The following DNM3 variants were observed in gnomAD, a reference collection of about 807,000 sequenced individuals.
DNM3 encodes the protein dynamin-3.
DNM3 carries 47 observed loss-of-function variants against 101.6 expected under a neutral mutation model. That is an observed-to-expected ratio of 0.46 (90% confidence interval 0.37 to 0.59). DNM3 has a LOEUF of 0.59. Among genes scored for constraint, DNM3 ranks in the 20% least tolerant of loss-of-function variants. The probability of loss-of-function intolerance (pLI) is 0.00; values close to 1 mark genes in which losing one functional copy is unlikely to be tolerated. For synonymous variants in DNM3, 385 were observed against 387.9 expected, an observed-to-expected ratio of 0.99 and a Z score of 0.09; for missense variants, 849 against 1,085.7, an observed-to-expected ratio of 0.78 and a Z score of 3.06.
intron 12 of DNM3, among the ~76,000 whole-genome samples, chr1:172,091,941 T>C (rs1192906586): frequency 1.3e-5 from 2 of 152,100 alleles, no homozygotes; most frequent in East Asian, 3.9e-4. Context: ...GTTAAATTTA[T>C]TATAAGAAAG....
intron 13 of DNM3, among the ~76,000 whole-genome samples, chr1:172,128,825 T>G (rs1194123656): frequency 6.6e-6 from 1 of 152,074 alleles, no homozygotes; most frequent in Non-Finnish European, 1.5e-5. Context: ...TCCTAGATAT[T>G]TCTTCAGTAG....
At chr1:172,249,637 G>T (rs1484483510) in intron 14 of DNM3, among the ~76,000 whole-genome samples, 1 of 152,100 alleles carries the variant, frequency 6.6e-6, no homozygotes, top group Non-Finnish European at 1.5e-5. Context: ...TGAAGCCTTT[G>T]AAAGTATGCA....
At chr1:172,139,953 T>C (rs1006525920) in intron 14 of DNM3, 2 of 151,970 alleles carry the variant, frequency 1.3e-5, no homozygotes, top group African/African-American at 4.8e-5. Context: ...AAAACAAAAA[T>C]ATCCAAATAG....
At chr1:172,250,077 G>A (rs577318116) in intron 14 of DNM3, among the ~76,000 whole-genome samples, 2 of 152,218 alleles carry the variant, frequency 1.3e-5, no homozygotes, top group South Asian at 4.1e-4. Context: ...ATTTTCAAAT[G>A]TAATGCACTT....
intron 20 of DNM3, among the ~76,000 whole-genome samples, chr1:172,405,378 C>G (rs1182080154): frequency 6.6e-6 from 1 of 151,906 alleles, no homozygotes; most frequent in East Asian, 1.9e-4. Context: ...CTACGAGAGA[C>G]ACAAACATGA....
chr1:172,039,221 T>C (rs1475937377), intron 7 of DNM3, among the ~76,000 whole-genome samples: 10 of 152,116 alleles, frequency 6.6e-5, no homozygotes, highest in Non-Finnish European at 1.3e-4. Context: ...AAGGCTCCCC[T>C]GCCCAGCACA....
At chr1:172,079,165 G>T (rs1036705630) in intron 11 of DNM3, among the ~76,000 whole-genome samples, 4 of 152,170 alleles carry the variant, frequency 2.6e-5, no homozygotes, top group African/African-American at 9.7e-5. Flanking sequence ...ATGTTGGCCT[G>T]TCTTGCTAGG....
chr1:172,387,060 C>A, intron 18 of DNM3, 73 bp from the exon 19 acceptor site: 1 of 1,297,792 alleles, frequency 7.7e-7, no homozygotes, highest in Non-Finnish European at 1.1e-6. Flanking sequence ...ACTCTGACTG[C>A]CACAGCCATG....
chr1:172,282,209 G>GTCTA (rs1377802065), intron 15 of DNM3, among the ~76,000 whole-genome samples: 1 of 152,130 alleles, frequency 6.6e-6, no homozygotes, highest in Admixed American at 6.6e-5. Flanking sequence ...CGCTCATTCT[G>GTCTA]TCTACCTCCT....
chr1:172,413,977 A>T (rs188376186), downstream of DNM3, among the ~76,000 whole-genome samples: 168 of 152,350 alleles, frequency 1.1e-3, no homozygotes, highest in African/African-American at 3.8e-3. Flanking sequence ...TTAATCATAT[A>T]TTCAGAATAG....
intron 2 of DNM3, among the ~76,000 whole-genome samples, chr1:171,938,953 T>C (rs2041634287): frequency 6.6e-6 from 1 of 152,176 alleles, no homozygotes; most frequent in African/African-American, 2.4e-5. Context: ...CAACTTACCT[T>C]TATTTTATGC....
intron 13 of DNM3, among the ~76,000 whole-genome samples, chr1:172,120,206 A>G (rs998338881): frequency 6.6e-6 from 1 of 152,176 alleles, no homozygotes; most frequent in Admixed American, 6.5e-5. Flanking sequence ...CACAATCATG[A>G]TAGAAGGCAA....
chr1:172,343,360 G>A (rs2066777404), intron 17 of DNM3, among the ~76,000 whole-genome samples: 2 of 151,564 alleles, frequency 1.3e-5, no homozygotes. Flanking sequence ...AACTGAAACT[G>A]TTATAGATTA....
At chr1:172,133,456 G>A (rs189467324) in intron 14 of DNM3, 1 of 984,016 alleles carries the variant, frequency 1.0e-6, no homozygotes, top group Admixed American at 6.1e-5. Flanking sequence ...ATGGAGGGTA[G>A]TTGGGGGCAG....
chr1:172,164,454 T>C (rs2058675867), intron 14 of DNM3, among the ~76,000 whole-genome samples: 1 of 151,842 alleles, frequency 6.6e-6, no homozygotes, highest in African/African-American at 2.4e-5. Flanking sequence ...ACCTTGTTAT[T>C]TTCTGGGGAT....
chr1:171,876,200 G>A (rs1026884992), intron 1 of DNM3, among the ~76,000 whole-genome samples: 2 of 152,148 alleles, frequency 1.3e-5, no homozygotes, highest in Non-Finnish European at 2.9e-5. Context: ...TCTGGTCAGA[G>A]AGTGGGACAT....
intron 16 of DNM3, among the ~76,000 whole-genome samples, chr1:172,318,094 A>C (rs2065485490): frequency 6.6e-6 from 1 of 152,254 alleles, no homozygotes; most frequent in Admixed American, 6.5e-5. Context: ...TATGTAAATC[A>C]ATAAATGTAA....
At chr1:172,344,550 A>G (rs1453808985) in intron 17 of DNM3, among the ~76,000 whole-genome samples, 2 of 152,190 alleles carry the variant, frequency 1.3e-5, no homozygotes, top group African/African-American at 4.8e-5. Flanking sequence ...AATATTTCTG[A>G]ACCCCTTCCC....
intron 14 of DNM3, among the ~76,000 whole-genome samples, chr1:172,155,510 C>G (rs571923300): frequency 1.3e-5 from 2 of 152,046 alleles, no homozygotes; most frequent in Non-Finnish European, 2.9e-5. Flanking sequence ...AACTTCTGCT[C>G]TGGTGATTTT....
Sources: allele counts gnomAD v4.1 joint callset (sites outside exome capture counted in the v4.1 genomes callset), GRCh38; gene constraint gnomAD v4.1.1; transcripts MANE v1.5; gene names NCBI Gene and HGNC (gene_info 2026-07-23, HGNC 2026-07-21).